SERPINB13: variants seen among roughly 807,000 people sequenced by gnomAD.
The protein encoded by SERPINB13 is serpin family B member 13, also known as serpin B13.
A neutral mutation model predicts 31.2 loss-of-function variants in SERPINB13; 26 were observed. The observed-to-expected ratio is 0.83, with a 90% confidence interval of 0.61 to 1.15. The LOEUF is 1.15. Among genes scored for constraint, SERPINB13 ranks in the 50% most tolerant of loss-of-function variants. SERPINB13 has a pLI of 0.00. For missense variants in SERPINB13, 510 were observed against 469.4 expected, an observed-to-expected ratio of 1.09 and a Z score of -0.80; for synonymous variants, 191 against 172.4, an observed-to-expected ratio of 1.11 and a Z score of -0.85.
rs1323127995 is a variant in SERPINB13, at chr18:63,587,372, A to G, written c.-96A>G. 1 of 469,130 alleles carries G rather than the reference A, an allele frequency of 2.1e-6. No homozygotes were observed. Among genetic ancestry groups the G allele is most frequent in the African/African-American group, 2.0e-5 (1 of 49,862 alleles). 29.1% of individuals were successfully genotyped at this position (469,130 alleles called of 1,614,324 possible). On this transcript the variant is annotated 5_prime_UTR_variant, in exon 1 of 8. Coordinates refer to ENST00000344731, the MANE Select transcript of SERPINB13 (RefSeq NM_012397.4). ...CTGAAGCAGATGTGGAGAACTATAA[A>G]TTAAGGATCCCAGCTACTTAATTGA... is the stretch of plus-strand genomic sequence containing the variant.
At chr18:63,594,207 G>T (rs1385052889) in intron 5 of SERPINB13, 148 bp from the exon 6 acceptor site, 1 of 1,537,600 alleles carries the variant, frequency 6.5e-7, no homozygotes, top group Non-Finnish European at 8.8e-7. Flanking sequence ...CGTCGATTCT[G>T]CCAGCAAACC....
At position 63,592,591 on chromosome 18, in the gene SERPINB13, T is replaced by C. The variant is rs967017103; in HGVS notation, c.354+115T>C. On this transcript the variant is annotated intron_variant, in intron 4 of 7. Transcript: ENST00000344731. ...CCTGGCTCTGGCCACATCCCTGTGGTGCTTTTCCATCCTGATCTACAGATA... is the reference window on the plus strand; with the variant it reads ...CCTGGCTCTGGCCACATCCCTGTGGCGCTTTTCCATCCTGATCTACAGATA... The C allele has an allele frequency of 3.3e-5, 35 of 1,061,614 alleles. No individual in the cohort carries two copies. In the Admixed American group the frequency reaches 7.3e-4, roughly 22 times the overall value. The allele number at this position is 1,061,614 out of a possible 1,614,324, so 65.8% of individuals were successfully genotyped here.
chr18:63,589,709 A>G lies in SERPINB13; in HGVS notation c.219A>G (p.Lys73=), dbSNP rs370430759. Residue 73 remains lysine (K), a synonymous_variant, in exon 3 of 8, where the codon AAA becomes AAG. Transcript: ENST00000344731. ...TKSSRIKAEE[K]EVIENTEAVH... ...GCTCAAGAATAAAGGCTGAAGAAAA[A>G]GAGGTGGTAAGAATAAAGGCTGAAG... 1.2e-6 allele frequency: 2 copies of G among 1,613,232 alleles called. No homozygotes were observed. Among genetic ancestry groups the G allele is most frequent in the African/African-American group, 2.7e-5 (2 of 74,908 alleles).
rs911168034 is a variant in SERPINB13, at chr18:63,598,242, T to A, written c.*879T>A. 1 of 152,118 alleles carries A rather than the reference T, an allele frequency of 6.6e-6. No individual in the cohort carries two copies. The highest frequency in any genetic ancestry group is 1.5e-5 in the Non-Finnish European group (1 of 68,006). 9.4% of individuals were successfully genotyped at this position (152,118 alleles called of 1,614,324 possible). ...GCTTGTTTCATTTTTTTCCTCCAGT[T>A]TTTAACAAGATCACATAACTGGCTT... is the stretch of plus-strand genomic sequence containing the variant. On this transcript the variant is annotated 3_prime_UTR_variant, in exon 8 of 8. Transcript: ENST00000344731.
In SERPINB13 at chr18:63,588,650, G is replaced by A. The variant is rs754335356; in HGVS notation, c.-17-1G>A. 3 of 1,613,894 alleles carry A rather than the reference G, an allele frequency of 1.9e-6. No individual in the cohort carries two copies. Among genetic ancestry groups the A allele is most frequent in the Non-Finnish European group, 2.5e-6 (3 of 1,179,816 alleles). Reference sequence around the variant, plus strand: ...TTTGATTGTTGTTCTTGCTATTCTAGGTCTCGCTAAAATCATCATGGATTC... The same window carrying A: ...TTTGATTGTTGTTCTTGCTATTCTAAGTCTCGCTAAAATCATCATGGATTC... On this transcript the variant is annotated splice_acceptor_variant, in intron 1 of 7. Coordinates refer to ENST00000344731, the MANE Select transcript of SERPINB13 (RefSeq NM_012397.4). LOFTEE classifies it low-confidence loss of function (5UTR_SPLICE).
rs1340594659 is a variant in SERPINB13 at position 63,592,900 on chromosome 18, C to T, written c.401C>T (p.Pro134Leu). The T allele has an allele frequency of 2.5e-6, 4 of 1,612,568 alleles. No individual in the cohort carries two copies. Among genetic ancestry groups the T allele is most frequent in the Non-Finnish European group, 3.4e-6 (4 of 1,179,164 alleles). ...VEKYYHASLE[P>L]VDFVNAADES... is the part of the protein sequence containing the mutation. ...AAATATTATCATGCATCTCTGGAAC[C>T]TGTTGATTTTGTAAATGCAGCCGAT... The change falls in exon 5 of 8, where the codon CCT becomes CTT. Residue 134 changes from proline to leucine, a missense_variant. By Grantham distance (98) the Pro-to-Leu change is moderately conservative. Coordinates refer to ENST00000344731, the MANE Select transcript of SERPINB13 (RefSeq NM_012397.4).
chr18:63,596,389 T>C (rs1374837621), intron 7 of SERPINB13, among the ~76,000 whole-genome samples: 1 of 152,230 alleles, frequency 6.6e-6, no homozygotes, highest in Non-Finnish European at 1.5e-5. Flanking sequence ...TATTTCGGTA[T>C]TAAATACACT....
intron 3 of SERPINB13, among the ~76,000 whole-genome samples, chr18:63,590,908 G>A (rs548628627): frequency 2.2e-3 from 341 of 152,266 alleles, no homozygotes; most frequent in African/African-American, 8.0e-3. Context: ...TTAATAGTTT[G>A]CCCAGAGACT....
rs1308134570 is a variant in SERPINB13 at position 63,595,093 on chromosome 18, A to G, written c.680A>G (p.Asp227Gly). ...TCCTTTAGCTTCACTTTCCTGGAGG[A>G]CTTGCAGGCCAAAATTCTAGGGATT... ...SHSFSFTFLE[D>G]LQAKILGIPY... The change falls in exon 7 of 8, where the codon GAC (aspartate) becomes GGC (glycine). Residue 227 changes from aspartate (D) to glycine (G), a missense_variant. Coordinates refer to ENST00000344731, the MANE Select transcript of SERPINB13 (RefSeq NM_012397.4). 2.5e-6 allele frequency: 4 copies of G among 1,613,992 alleles called. No homozygotes were observed. The highest frequency in any genetic ancestry group is 3.4e-6 in the Non-Finnish European group (4 of 1,180,000).
intron 3 of SERPINB13, 43 bp downstream of exon 3, chr18:63,589,758 T>A (rs376406895): frequency 3.2e-5 from 52 of 1,613,440 alleles, no homozygotes; most frequent in Middle Eastern, 3.3e-4. Context: ...GAGATGTGTT[T>A]TACAAACTTC....
At chr18:63,589,421 C>T (rs1335549097) in intron 2 of SERPINB13, among the ~76,000 whole-genome samples, 1 of 151,328 alleles carries the variant, frequency 6.6e-6, no homozygotes, top group African/African-American at 2.4e-5. Flanking sequence ...TGCCACTTCA[C>T]TCCAACCTGG....
In SERPINB13 at chr18:63,588,801, C is replaced by T. The variant is rs2144385968; in HGVS notation, c.134C>T (p.Thr45Ile). 6.2e-7 allele frequency: 1 copy of T among 1,614,084 alleles called. No individual in the cohort carries two copies. The highest frequency in any genetic ancestry group is 1.7e-4 in the Middle Eastern group (1 of 6,054). Residue 45 changes from threonine to isoleucine, a missense_variant, in exon 2 of 8, where the codon ACC (threonine) becomes ATC (isoleucine). Coordinates refer to ENST00000344731, the MANE Select transcript of SERPINB13 (RefSeq NM_012397.4). ...GCAATTGGCATGGTCCTCCTGGGGA[C>T]CCGAGGAGCCACCGCTTCCCAGTTG... ...LTAIGMVLLG[T>I]RGATASQLEE...
chr18:63,590,852 T>C (rs1351461236), intron 3 of SERPINB13, among the ~76,000 whole-genome samples: 1 of 152,174 alleles, frequency 6.6e-6, no homozygotes, highest in Non-Finnish European at 1.5e-5. Flanking sequence ...GAAAGGATAT[T>C]AGCACTGGAA....
chr18:63,593,026 A>C, intron 5 of SERPINB13, 55 bp downstream of exon 5: 1 of 1,146,554 alleles, frequency 8.7e-7, no homozygotes, highest in African/African-American at 1.6e-5. Context: ...GAAACAAACA[A>C]ACAAAAAACA....
intron 5 of SERPINB13, chr18:63,594,043 C>A: frequency 1.4e-6 from 1 of 694,698 alleles, no homozygotes; most frequent in Non-Finnish European, 2.4e-6. Context: ...AACTGAGGCA[C>A]AGAGAGTTTA....
At chr18:63,590,813 G>A (rs1028101595) in intron 3 of SERPINB13, among the ~76,000 whole-genome samples, 1 of 152,184 alleles carries the variant, frequency 6.6e-6, no homozygotes, top group East Asian at 1.9e-4. Context: ...GGGAGCCACA[G>A]GGGTATGAAG....
At chr18:63,589,620 TC>T in intron 2 of SERPINB13, 35 bp from the exon 3 acceptor site, 1 of 1,606,328 alleles carries the variant, frequency 6.2e-7, no homozygotes, top group South Asian at 1.1e-5. Context: ...TTTTCTCTTC[TC>T]TGAGCACCAC....
intron 6 of SERPINB13, 144 bp downstream of exon 6, chr18:63,594,641 C>T (rs1912054148): frequency 1.2e-6 from 1 of 844,654 alleles, no homozygotes; most frequent in South Asian, 1.7e-5. Flanking sequence ...GGGATCGAGA[C>T]TATCCTTGCC....
rs1355509129 is a variant in SERPINB13, at chr18:63,598,717, AC to A, written c.*1355del. 6.6e-6 allele frequency: 1 copy of A among 152,208 alleles called. No individual in the cohort carries two copies. Among genetic ancestry groups the A allele is most frequent in the Non-Finnish European group, 1.5e-5 (1 of 68,014 alleles). 9.4% of individuals were successfully genotyped at this position (152,208 alleles called of 1,614,324 possible). ...GCTGTTAGGAATAATGTTGCTCTGA[AC>A]ATGTAAATAAAGATCTTTGTGTTCA... On this transcript the variant is annotated 3_prime_UTR_variant, in exon 8 of 8. Coordinates refer to ENST00000344731, the MANE Select transcript of SERPINB13 (RefSeq NM_012397.4).
Sources: gnomAD v4.1 joint callset for allele counts (sites outside exome capture counted in the v4.1 genomes callset) on GRCh38, gnomAD v4.1.1 for gene constraint, MANE v1.5 for transcripts, NCBI Gene and HGNC (gene_info 2026-07-23, HGNC 2026-07-21) for gene names.